ADAMTS19: variants seen among roughly 807,000 people sequenced by gnomAD.
ADAMTS19 encodes ADAM metallopeptidase with thrombospondin type 1 motif 19.
In ADAMTS19, 93 loss-of-function variants were observed where a neutral mutation model predicts 153.3. The ratio of observed to expected loss-of-function variants is 0.61; its 90% confidence interval spans 0.51 to 0.72. ADAMTS19 has a LOEUF of 0.72. Among genes scored for constraint, ADAMTS19 ranks in the 30% least tolerant of loss-of-function variants. The probability of loss-of-function intolerance (pLI) is 0.00; values close to 1 mark genes in which losing one functional copy is unlikely to be tolerated. For synonymous variants in ADAMTS19, 600 were observed against 556.6 expected, an observed-to-expected ratio of 1.08 and a Z score of -1.10; for missense variants, 1,482 against 1,552.1, an observed-to-expected ratio of 0.95 and a Z score of 0.76.
Position 129,706,048 on chromosome 5 carries a change from T to A in ADAMTS19, c.3312+1657T>A, listed in dbSNP as rs544649851. 2.0e-5 allele frequency among the ~76,000 whole-genome samples: 3 copies of A among 152,314 alleles called. No homozygotes were observed. The South Asian group carries it at 6.2e-4, about 32-fold the overall frequency. ...AGTGTATATGTATAGCAACTTTTCA[T>A]TCATCATTGAAGATATAGGATAGAA... is the stretch of plus-strand genomic sequence containing the variant. On this transcript the variant is annotated intron_variant, in intron 21 of 22. Coordinates refer to ENST00000274487, the MANE Select transcript of ADAMTS19 (RefSeq NM_133638.6).
intron 11 of ADAMTS19, among the ~76,000 whole-genome samples, chr5:129,646,825 C>T (rs938761092): frequency 6.6e-6 from 1 of 152,114 alleles, no homozygotes; most frequent in Admixed American, 6.5e-5. Context: ...TATACAATCA[C>T]TAATCTAAAT....
chr5:129,485,581 A>C (rs922509322), intron 2 of ADAMTS19, among the ~76,000 whole-genome samples: 3 of 152,164 alleles, frequency 2.0e-5, no homozygotes, highest in African/African-American at 7.2e-5. Context: ...GAACAAAGAA[A>C]AATAGAGAAA....
At chr5:129,644,359 C>T (rs890743111) in intron 11 of ADAMTS19, among the ~76,000 whole-genome samples, 2 of 152,186 alleles carry the variant, frequency 1.3e-5, no homozygotes, top group Non-Finnish European at 2.9e-5. Flanking sequence ...TATTTGAATG[C>T]TTGCAACCTC....
intron 6 of ADAMTS19, among the ~76,000 whole-genome samples, chr5:129,538,482 TA>T (rs1247613219): frequency 1.3e-5 from 2 of 152,114 alleles, no homozygotes; most frequent in African/African-American, 4.8e-5. Context: ...TTTTTAGTGT[TA>T]AAAACCTTAA....
chr5:129,714,676 C>A (rs976025931), intron 21 of ADAMTS19, among the ~76,000 whole-genome samples: 5 of 152,060 alleles, frequency 3.3e-5, no homozygotes, highest in African/African-American at 1.2e-4. Context: ...CACAGCACTT[C>A]TAATATTGGA....
chr5:129,524,770 A>C (rs1751947757), intron 3 of ADAMTS19, among the ~76,000 whole-genome samples: 5 of 151,930 alleles, frequency 3.3e-5, no homozygotes, highest in Admixed American at 3.3e-4. Context: ...AAAAAAAAAA[A>C]ACGAAGGAAA....
At chr5:129,528,197 G>C (rs1674449319) in intron 5 of ADAMTS19, among the ~76,000 whole-genome samples, 1 of 151,912 alleles carries the variant, frequency 6.6e-6, no homozygotes, top group South Asian at 2.1e-4. Context: ...TGGCACTTTA[G>C]AAAATGGTGT....
chr5:129,628,229 C>G (rs1165820592), intron 10 of ADAMTS19, among the ~76,000 whole-genome samples: 1 of 151,998 alleles, frequency 6.6e-6, no homozygotes, highest in Non-Finnish European at 1.5e-5. Flanking sequence ...TTTGTTCTCA[C>G]TGATAATTGG....
chr5:129,482,651 C>T (rs1444974054), intron 2 of ADAMTS19, among the ~76,000 whole-genome samples: 2 of 152,090 alleles, frequency 1.3e-5, no homozygotes, highest in Admixed American at 6.6e-5. Context: ...GTGTTTTAAG[C>T]ACTTGTTTAT....
intron 21 of ADAMTS19, among the ~76,000 whole-genome samples, chr5:129,716,297 C>T (rs1010620260): frequency 6.6e-6 from 1 of 152,064 alleles, no homozygotes; most frequent in Non-Finnish European, 1.5e-5. Flanking sequence ...CTCCTGGGCT[C>T]AAACAATCCT....
At chr5:129,529,683 A>C (rs1019445056) in intron 6 of ADAMTS19, among the ~76,000 whole-genome samples, 5 of 152,168 alleles carry the variant, frequency 3.3e-5, no homozygotes, top group African/African-American at 1.2e-4. Context: ...GCTAGAATCT[A>C]GGTAGAGCAC....
chr5:129,460,557 GC>G (rs1220663923), intron 1 of ADAMTS19, 75 bp downstream of exon 1: 1 of 1,556,230 alleles, frequency 6.4e-7, no homozygotes, highest in Admixed American at 1.7e-5. Context: ...GGTCGGCAGG[GC>G]TGGTGCAACC....
intron 6 of ADAMTS19, among the ~76,000 whole-genome samples, chr5:129,529,239 A>G (rs1752116332): frequency 6.6e-6 from 1 of 152,156 alleles, no homozygotes; most frequent in African/African-American, 2.4e-5. Context: ...ATATTTAATA[A>G]TTATACATAA....
chr5:129,731,635 T>A (rs1359170771), intron 21 of ADAMTS19, among the ~76,000 whole-genome samples: 1 of 152,110 alleles, frequency 6.6e-6, no homozygotes, highest in East Asian at 1.9e-4. Context: ...TTGTGCAGAA[T>A]GCTTCTTGTG....
intron 14 of ADAMTS19, 135 bp downstream of exon 14, chr5:129,654,568 C>G: frequency 1.0e-6 from 1 of 977,370 alleles, no homozygotes. Flanking sequence ...TTGACTGTGA[C>G]CTTGAGCAAG....
intron 7 of ADAMTS19, among the ~76,000 whole-genome samples, chr5:129,589,117 T>C (rs1157324548): frequency 6.6e-6 from 1 of 151,948 alleles, no homozygotes; most frequent in African/African-American, 2.4e-5. Context: ...TTGTTCATGT[T>C]TTATCTAATT....
intron 7 of ADAMTS19, among the ~76,000 whole-genome samples, chr5:129,581,568 A>G (rs1749517190): frequency 2.0e-5 from 3 of 148,786 alleles, no homozygotes; most frequent in Admixed American, 2.0e-4. Context: ...GGATTCATTC[A>G]TTTTTTGAAG....
chr5:129,549,082 C>T (rs533056434), intron 6 of ADAMTS19, among the ~76,000 whole-genome samples: 69 of 147,372 alleles, frequency 4.7e-4, no homozygotes, highest in Middle Eastern at 3.6e-3. Context: ...TGCTAAATGA[C>T]GAGTTAATGG....
At chr5:129,477,645 T>C (rs1750268920) in intron 2 of ADAMTS19, among the ~76,000 whole-genome samples, 1 of 152,222 alleles carries the variant, frequency 6.6e-6, no homozygotes, top group Admixed American at 6.5e-5. Context: ...CATTTGCCTA[T>C]AGTTAGCTCT....
Sources: allele counts gnomAD v4.1 joint callset (sites outside exome capture counted in the v4.1 genomes callset), GRCh38; gene constraint gnomAD v4.1.1; transcripts MANE v1.5; gene names NCBI Gene and HGNC (gene_info 2026-07-23, HGNC 2026-07-21).